Variants in KANK1 observed in about 807,000 individuals in gnomAD.
The protein encoded by KANK1 is KN motif and ankyrin repeat domain-containing protein 1.
Under a neutral mutation model 106.2 loss-of-function variants are expected in KANK1, and 109 were observed. The observed-to-expected ratio is 1.03, with a 90% confidence interval of 0.88 to 1.20. The LOEUF (loss-of-function observed/expected upper bound fraction) is 1.20, where lower values mean the gene tolerates loss of function less well. Ranked by LOEUF, KANK1 falls within the 50% of genes most tolerant of loss-of-function variation. KANK1 has a pLI of 0.00. For synonymous variants in KANK1, 873 were observed against 652.2 expected, an observed-to-expected ratio of 1.34 and a Z score of -5.16; for missense variants, 2,399 against 1,710.7, an observed-to-expected ratio of 1.40 and a Z score of -7.10.
At chr9:730,990 T>C (rs1221933297) in intron 4 of KANK1, 168 bp from the exon 5 acceptor site, 1 of 416,386 alleles carries the variant, frequency 2.4e-6, no homozygotes, top group Non-Finnish European at 4.4e-6. Context: ...AACTTTGAAT[T>C]ATTTTCTTTG....
chr9:712,101 T>C lies in KANK1; in HGVS notation c.1335T>C (p.Leu445=). ...NCGVSVTEAM[L]GVMTEADKEI... ...GGGTCAGCGTGACAGAGGCCATGCT[T>C]GGAGTGATGACTGAAGCTGACAAAG... Residue 445 remains leucine (L), a synonymous_variant, in exon 3 of 12, where the codon CTT becomes CTC. Transcript: ENST00000382297. The C allele has an allele frequency of 6.2e-7, 1 of 1,614,104 alleles. No individual in the cohort carries two copies. Among genetic ancestry groups the C allele is most frequent in the Non-Finnish European group, 8.5e-7 (1 of 1,180,028 alleles).
At chr9:571,352 T>G (rs999299869) in intron 1 of KANK1, among the ~76,000 whole-genome samples, 1 of 152,242 alleles carries the variant, frequency 6.6e-6, no homozygotes, top group African/African-American at 2.4e-5. Context: ...AGTGTTCCTT[T>G]GGCAACACGT....
At chr9:635,965 G>A (rs180687230) in intron 1 of KANK1, among the ~76,000 whole-genome samples, 2 of 152,074 alleles carry the variant, frequency 1.3e-5, no homozygotes, top group Non-Finnish European at 2.9e-5. Context: ...GTGAGCCACC[G>A]TGCCTGGCTT....
rs902833412 is a variant in KANK1, at chr9:710,634, A to C, written c.38-170A>C. On this transcript the variant is annotated intron_variant, in intron 2 of 11. Transcript: ENST00000382297. ...CTGTCTCAAAAAAAAAAAAAACAAA[A>C]AAAAACAAAAAAAACTTGCTTACCC... 2.2e-4 allele frequency among the ~76,000 whole-genome samples: 25 copies of C among 115,652 alleles called. 1 individual carries two copies. Among genetic ancestry groups the C allele is most frequent in the East Asian group, 4.1e-4 (2 of 4,834 alleles). The allele number at this position is 115,652 out of a possible 152,430, so 75.9% of individuals were successfully genotyped here.
intron 1 of KANK1, among the ~76,000 whole-genome samples, chr9:589,242 G>A (rs1238996951): frequency 1.3e-5 from 2 of 152,188 alleles, no homozygotes; most frequent in Non-Finnish European, 2.9e-5. Flanking sequence ...TACAGAGGAG[G>A]AAATTGACTT....
chr9:477,596 G>A (rs186114099), intron 3 of KANK1, among the ~76,000 whole-genome samples: 1 of 152,182 alleles, frequency 6.6e-6, no homozygotes, highest in Non-Finnish European at 1.5e-5. Context: ...GGAAAAGTGA[G>A]TTTTATGTAT....
At chr9:678,633 C>G (rs1816878222) in intron 2 of KANK1, among the ~76,000 whole-genome samples, 1 of 152,136 alleles carries the variant, frequency 6.6e-6, no homozygotes, top group African/African-American at 2.4e-5. Flanking sequence ...GAGGCTAAGA[C>G]AGGAATGGCT....
intron 1 of KANK1, among the ~76,000 whole-genome samples, chr9:622,267 T>C (rs1301596089): frequency 6.6e-6 from 1 of 152,198 alleles, no homozygotes; most frequent in Non-Finnish European, 1.5e-5. Context: ...TCTGTGTATA[T>C]TGTCACTTCA....
At chr9:537,545 G>C (rs2060364947) in intron 1 of KANK1, among the ~76,000 whole-genome samples, 1 of 152,002 alleles carries the variant, frequency 6.6e-6, no homozygotes, top group Admixed American at 6.6e-5. Flanking sequence ...TATAAATCTT[G>C]ATTGATTCAT....
At chr9:552,897 G>A (rs180755735) in intron 1 of KANK1, among the ~76,000 whole-genome samples, 58 of 152,242 alleles carry the variant, frequency 3.8e-4, no homozygotes, top group African/African-American at 1.3e-3. Context: ...GTAATCCTAG[G>A]ACTTTGGGAA....
At chr9:674,674 T>C (rs62531168) in intron 1 of KANK1, among the ~76,000 whole-genome samples, 19,945 of 152,032 alleles carry the variant, frequency 0.13, 1,587 homozygotes, top group Admixed American at 0.17. Flanking sequence ...TCCCTGAGGG[T>C]TTTAAAGCAA....
At chr9:567,206 C>T (rs895395452) in intron 1 of KANK1, among the ~76,000 whole-genome samples, 1 of 152,154 alleles carries the variant, frequency 6.6e-6, no homozygotes, top group African/African-American at 2.4e-5. Flanking sequence ...GTCTGTGTGT[C>T]TGGTTTTGTA....
chr9:503,575 CTG>C (rs1318689113), upstream of KANK1, among the ~76,000 whole-genome samples: 1 of 152,212 alleles, frequency 6.6e-6, no homozygotes, highest in African/African-American at 2.4e-5. Context: ...ACAAAAAAGA[CTG>C]AGCGTGTGTA....
chr9:541,982 G>C (rs955201743), intron 1 of KANK1, among the ~76,000 whole-genome samples: 1 of 151,312 alleles, frequency 6.6e-6, no homozygotes, highest in African/African-American at 2.4e-5. Flanking sequence ...CCAGCTACTC[G>C]GGAGGCTGAG....
intron 1 of KANK1, among the ~76,000 whole-genome samples, chr9:651,585 C>G (rs532482677): frequency 2.0e-5 from 3 of 152,340 alleles, no homozygotes; most frequent in South Asian, 4.1e-4. Flanking sequence ...GGCTCCAACT[C>G]TGTTCCATAC....
intron 1 of KANK1, among the ~76,000 whole-genome samples, chr9:577,272 G>A (rs1463813689): frequency 6.6e-6 from 1 of 152,124 alleles, no homozygotes; most frequent in African/African-American, 2.4e-5. Flanking sequence ...AGTGCTGATT[G>A]GCCCATTTTA....
intron 1 of KANK1, among the ~76,000 whole-genome samples, chr9:546,981 C>T (rs912453339): frequency 2.6e-5 from 4 of 152,208 alleles, no homozygotes; most frequent in Non-Finnish European, 4.4e-5. Flanking sequence ...TGCAGCAGCT[C>T]TCCCAGCATT....
chr9:615,485 AGG>A (rs1211046683), intron 1 of KANK1, among the ~76,000 whole-genome samples: 4 of 152,086 alleles, frequency 2.6e-5, no homozygotes, highest in African/African-American at 9.7e-5. Context: ...AGTTAAGAAG[AGG>A]GGGAATAATG....
At chr9:720,616 T>G (rs12003893) in intron 3 of KANK1, among the ~76,000 whole-genome samples, 12,004 of 152,254 alleles carry the variant, frequency 0.079, 872 homozygotes, top group African/African-American at 0.19. Flanking sequence ...TCAGCCTCAC[T>G]AAGTGCTGGG....
Sources: allele counts gnomAD v4.1 joint callset (sites outside exome capture counted in the v4.1 genomes callset), GRCh38; gene constraint gnomAD v4.1.1; transcripts MANE v1.5; gene names NCBI Gene and HGNC (gene_info 2026-07-23, HGNC 2026-07-21).